SYN2: variants seen among roughly 807,000 people sequenced by gnomAD.
SYN2 encodes synapsin-2.
Under a neutral mutation model 50.9 loss-of-function variants are expected in SYN2, and 19 were observed. The observed-to-expected ratio is 0.37, with a 90% confidence interval of 0.26 to 0.55. The LOEUF (loss-of-function observed/expected upper bound fraction) is 0.55. Among genes scored for constraint, SYN2 ranks in the 20% least tolerant of loss-of-function variants. The probability of loss-of-function intolerance (pLI) is 0.81; values close to 1 mark genes in which losing one functional copy is unlikely to be tolerated. For missense variants in SYN2, 587 were observed against 576.4 expected, an observed-to-expected ratio of 1.02 and a Z score of -0.19; for synonymous variants, 255 against 224.9, an observed-to-expected ratio of 1.13 and a Z score of -1.20.
At chr3:12,153,509 T>A in intron 5 of SYN2, 1 of 1,612,874 alleles carries the variant, frequency 6.2e-7, no homozygotes, top group South Asian at 1.1e-5. Context: ...TGGTCACTGG[T>A]CCCTACTAGG....
chr3:12,015,393 C>T (rs190324152), intron 1 of SYN2, among the ~76,000 whole-genome samples: 1 of 152,196 alleles, frequency 6.6e-6, no homozygotes, highest in African/African-American at 2.4e-5. Flanking sequence ...TTCAGTATCT[C>T]CAGGACAAAG....
chr3:12,111,970 G>C (rs1696327062), intron 1 of SYN2, among the ~76,000 whole-genome samples: 1 of 152,186 alleles, frequency 6.6e-6, no homozygotes. Context: ...TATCCAGCAG[G>C]CTTCTGGGAA....
At chr3:12,135,160 A>G (rs1282904168) in intron 1 of SYN2, among the ~76,000 whole-genome samples, 1 of 152,220 alleles carries the variant, frequency 6.6e-6, no homozygotes, top group Non-Finnish European at 1.5e-5. Context: ...GTCTGTGGCT[A>G]TTCAGCCAGT....
intron 1 of SYN2, among the ~76,000 whole-genome samples, chr3:12,129,087 TAAG>T (rs1696733076): frequency 6.6e-6 from 1 of 151,872 alleles, no homozygotes; most frequent in African/African-American, 2.4e-5. Context: ...AAAATAGAAA[TAAG>T]AATAAAATGA....
chr3:12,024,405 A>G (rs1431066678), intron 1 of SYN2, among the ~76,000 whole-genome samples: 2 of 151,932 alleles, frequency 1.3e-5, no homozygotes, highest in Admixed American at 6.6e-5. Flanking sequence ...TGATCCGCCC[A>G]TCTCGGCCTC....
At chr3:12,183,539 G>C (rs1026627754) in intron 11 of SYN2, 167 bp downstream of exon 11, 1 of 1,537,194 alleles carries the variant, frequency 6.5e-7, no homozygotes, top group Non-Finnish European at 8.7e-7. Context: ...TGGTGCCGTT[G>C]CTGCGTTCTT....
chr3:12,090,510 C>T (rs1379596070), intron 1 of SYN2, among the ~76,000 whole-genome samples: 1 of 146,884 alleles, frequency 6.8e-6, no homozygotes, highest in Non-Finnish European at 1.5e-5. Flanking sequence ...CCAGTAAGAC[C>T]TTGAGCTAAT....
intron 1 of SYN2, among the ~76,000 whole-genome samples, chr3:12,104,509 C>T (rs1696138085): frequency 6.6e-6 from 1 of 151,274 alleles, no homozygotes; most frequent in Admixed American, 6.6e-5. Context: ...CAGGGCTGTA[C>T]CCAACAATTA....
intron 1 of SYN2, among the ~76,000 whole-genome samples, chr3:12,117,687 C>T (rs1302771691): frequency 2.0e-5 from 3 of 152,164 alleles, no homozygotes; most frequent in Non-Finnish European, 4.4e-5. Flanking sequence ...GTGAAAAATT[C>T]TGCCTTGGGG....
chr3:12,161,587 C>G lies in SYN2; in HGVS notation c.816C>G (p.His272Gln). Residue 272 changes from histidine to glutamine, a missense_variant, in exon 6 of 13, where the codon CAC (histidine) becomes CAG (glutamine). His to Gln is a conservative substitution (Grantham distance 24). Coordinates refer to ENST00000621198, the MANE Select transcript of SYN2 (RefSeq NM_133625.6). ...PTFPVVVKIG[H>Q]AHSGMGKVKV... ...TCCCTGTGGTGGTGAAGATTGGCCACGCTCACTCAGGCATGGGCAAGGTGA... is the reference window on the plus strand; with the variant it reads ...TCCCTGTGGTGGTGAAGATTGGCCAGGCTCACTCAGGCATGGGCAAGGTGA... The G allele has an allele frequency of 6.2e-7, 1 of 1,614,020 alleles. No individual in the cohort carries two copies. Among genetic ancestry groups the G allele is most frequent in the Non-Finnish European group, 8.5e-7 (1 of 1,179,892 alleles).
intron 1 of SYN2, among the ~76,000 whole-genome samples, chr3:12,077,475 C>T (rs1168948779): frequency 6.6e-6 from 1 of 152,120 alleles, no homozygotes; most frequent in Non-Finnish European, 1.5e-5. Flanking sequence ...TCCCTTCCCC[C>T]ACCCAAATCC....
intron 1 of SYN2, among the ~76,000 whole-genome samples, chr3:12,092,946 T>C (rs1161924181): frequency 1.3e-5 from 2 of 152,206 alleles, no homozygotes; most frequent in African/African-American, 4.8e-5. Context: ...TTTTCATTAC[T>C]ACCCTCACTG....
intron 1 of SYN2, among the ~76,000 whole-genome samples, chr3:12,039,855 A>G (rs1332808610): frequency 6.6e-6 from 1 of 152,168 alleles, no homozygotes; most frequent in Non-Finnish European, 1.5e-5. Context: ...TCAGGTCTTA[A>G]TTCCTAAATC....
intron 1 of SYN2, among the ~76,000 whole-genome samples, chr3:12,050,340 A>AT (rs397877649): frequency 0.013 from 1,503 of 113,264 alleles, 17 homozygotes; most frequent in Middle Eastern, 0.021. Context: ...GTTTGGAATG[A>AT]TTTTTTTTTT....
intron 1 of SYN2, among the ~76,000 whole-genome samples, chr3:12,027,988 T>A (rs1006146306): frequency 3.4e-5 from 5 of 145,606 alleles, no homozygotes; most frequent in African/African-American, 5.3e-5. Flanking sequence ...TTCTTTTTTT[T>A]ATTTTTTTAT....
At chr3:12,025,695 G>A (rs996548486) in intron 1 of SYN2, among the ~76,000 whole-genome samples, 2 of 152,032 alleles carry the variant, frequency 1.3e-5, no homozygotes, top group African/African-American at 2.4e-5. Flanking sequence ...TGATGACCCT[G>A]AAAGTCCGTC....
In SYN2 at chr3:12,048,394, G is replaced by A. The variant is rs968381726; in HGVS notation, c.377+43466G>A. On this transcript the variant is annotated intron_variant, in intron 1 of 12. Coordinates refer to ENST00000621198, the MANE Select transcript of SYN2 (RefSeq NM_133625.6). ...TGTTGGCCAGGCTGGTCTTGAACTC[G>A]TGAGCTCAAGTGATCCACCTGCTTT... is the stretch of plus-strand genomic sequence containing the variant. Among the ~76,000 whole-genome samples the A allele has an allele frequency of 1.2e-4, 19 of 152,210 alleles. 1 individual carries two copies. The highest frequency in any genetic ancestry group is 7.8e-4 in the East Asian group (4 of 5,158).
intron 1 of SYN2, among the ~76,000 whole-genome samples, chr3:12,112,031 C>T (rs562341817): frequency 3.3e-5 from 5 of 152,188 alleles, no homozygotes; most frequent in East Asian, 3.9e-4. Context: ...TGAGGTGAGA[C>T]CCCTGGGTGA....
chr3:12,170,631 T>C (rs1461002415), intron 10 of SYN2, among the ~76,000 whole-genome samples: 1 of 152,184 alleles, frequency 6.6e-6, no homozygotes, highest in Non-Finnish European at 1.5e-5. Context: ...CACTAAATGT[T>C]TATATTATGA....
Sources: gnomAD v4.1 joint callset for allele counts (sites outside exome capture counted in the v4.1 genomes callset) on GRCh38, gnomAD v4.1.1 for gene constraint, MANE v1.5 for transcripts, NCBI Gene and HGNC (gene_info 2026-07-23, HGNC 2026-07-21) for gene names.